GAS7: variants seen among roughly 807,000 people sequenced by gnomAD.
GAS7 encodes growth arrest specific 7, also known as growth arrest-specific protein 7.
GAS7 carries 28 observed loss-of-function variants against 71.1 expected under a neutral mutation model. That is an observed-to-expected ratio of 0.39 (90% CI 0.29 to 0.54). GAS7 has a LOEUF of 0.54. GAS7 is among the 20% of genes least tolerant of loss of function. The probability of loss-of-function intolerance (pLI) is 0.62; values close to 1 mark genes in which losing one functional copy is unlikely to be tolerated. For missense variants in GAS7, 436 were observed against 627.8 expected (o/e 0.69, Z 3.27); for synonymous variants, 258 against 245.8 (o/e 1.05, Z -0.46).
intron 1 of GAS7, among the ~76,000 whole-genome samples, chr17:10,124,069 G>A (rs1195309892): frequency 6.6e-6 from 1 of 152,238 alleles, no homozygotes; most frequent in Non-Finnish European, 1.5e-5. Context: ...CTTATCTCAA[G>A]GGGGAATGTG....
chr17:10,185,083 A>G (rs2074442444), intron 1 of GAS7, among the ~76,000 whole-genome samples: 1 of 152,058 alleles, frequency 6.6e-6, no homozygotes, highest in South Asian at 2.1e-4. Flanking sequence ...GTGCCACCAC[A>G]CCAGGCTCAT....
chr17:10,038,448 T>A (rs904090796), intron 1 of GAS7, among the ~76,000 whole-genome samples: 1 of 152,146 alleles, frequency 6.6e-6, no homozygotes, highest in Non-Finnish European at 1.5e-5. Flanking sequence ...GGTGGGAATG[T>A]AAAATAGTAC....
In GAS7 at chr17:10,017,133, AAAATAAATAAATAAAT is replaced by A. The variant is rs3076181; in HGVS notation, c.304+2628_304+2643del. Among the ~76,000 whole-genome samples the A allele has an allele frequency of 6.0e-4, 80 of 132,496 alleles. 1 individual carries two copies. Among genetic ancestry groups the A allele is most frequent in the East Asian group, 1.5e-3 (7 of 4,616 alleles). 86.9% of individuals were successfully genotyped at this position (132,496 alleles called of 152,430 possible). A position where few individuals can be genotyped will look rare whatever the true frequency, so the allele number is the denominator to read the frequency against. ...GCAACAGAGTGAGACCCTGTCTAAAAAAATAAATAAATAAATAAATAAATAAATAAATAAATAAATA... is the reference window on the plus strand; with the variant it reads ...GCAACAGAGTGAGACCCTGTCTAAAAAAATAAATAAATAAATAAATAAATA... On this transcript the variant is annotated intron_variant, in intron 2 of 13. Transcript: ENST00000432992.
intron 1 of GAS7, among the ~76,000 whole-genome samples, chr17:10,048,297 G>A (rs563246437): frequency 1.2e-3 from 180 of 152,312 alleles, no homozygotes; most frequent in South Asian, 2.9e-3. Context: ...GCGCCTGGGC[G>A]ACAAAGCTAA....
Position 9,934,174 on chromosome 17 carries a change from A to G in GAS7, c.877T>C (p.Ser293Pro), listed in dbSNP as rs1375938507. The stretch of plus-strand genomic sequence containing the variant: ...CTGCAGGGAGGGGTTACCTTGGCAG[A>G]GAACTTGAGGTGAACTTCTGCTTCG... ...ADEAEVHLKFSAKLHSEVEKP... is the reference protein window; with the variant it reads ...ADEAEVHLKFPAKLHSEVEKP... The change falls in exon 9 of 14, where the codon TCT (serine) becomes CCT (proline). Residue 293 changes from serine to proline, a missense_variant. Ser to Pro is a moderately conservative substitution (Grantham distance 74). Transcript: ENST00000432992. The G allele has an allele frequency of 6.2e-7, 1 of 1,609,302 alleles. No homozygotes were observed. The highest frequency in any genetic ancestry group is 1.3e-5 in the African/African-American group (1 of 74,742).
intron 8 of GAS7, among the ~76,000 whole-genome samples, chr17:9,935,996 G>C (rs1012357594): frequency 3.3e-5 from 5 of 152,214 alleles, no homozygotes; most frequent in African/African-American, 1.2e-4. Flanking sequence ...AAGTCACCCA[G>C]CTAGGGCCGA....
chr17:10,057,456 G>A (rs2073157393), intron 1 of GAS7, among the ~76,000 whole-genome samples: 1 of 151,408 alleles, frequency 6.6e-6, no homozygotes, highest in South Asian at 2.1e-4. Flanking sequence ...ACCCCGTCTG[G>A]GAGGTGAGGA....
intron 1 of GAS7, among the ~76,000 whole-genome samples, chr17:10,139,532 A>G (rs1331464433): frequency 6.6e-6 from 1 of 152,224 alleles, no homozygotes; most frequent in Non-Finnish European, 1.5e-5. Context: ...CCACTAATGA[A>G]GAGGCACAGA....
intron 1 of GAS7, among the ~76,000 whole-genome samples, chr17:10,196,191 TATC>T (rs1362742482): frequency 6.6e-6 from 1 of 152,120 alleles, no homozygotes; most frequent in Admixed American, 6.5e-5. Flanking sequence ...GAGCCCGGGC[TATC>T]ATGTTTAAAA....
At chr17:10,196,172 G>C (rs573273421) in intron 1 of GAS7, among the ~76,000 whole-genome samples, 3 of 152,258 alleles carry the variant, frequency 2.0e-5, no homozygotes, top group African/African-American at 7.2e-5. Context: ...CACGCTGTTT[G>C]GCATAGTTGA....
intron 3 of GAS7, among the ~76,000 whole-genome samples, chr17:9,972,875 A>G (rs1396094469): frequency 6.6e-6 from 1 of 152,238 alleles, no homozygotes; most frequent in African/African-American, 2.4e-5. Flanking sequence ...TTAGAAAATA[A>G]TAAAGAAGAA....
intron 1 of GAS7, among the ~76,000 whole-genome samples, chr17:10,058,585 G>A (rs560569449): frequency 5.3e-5 from 8 of 152,284 alleles, no homozygotes; most frequent in Middle Eastern, 3.4e-3. Context: ...CTCCATCTTC[G>A]GACAACTCCT....
intron 9 of GAS7, among the ~76,000 whole-genome samples, chr17:9,929,825 A>C (rs1482894003): frequency 1.3e-5 from 2 of 151,918 alleles, no homozygotes; most frequent in Non-Finnish European, 2.9e-5. Flanking sequence ...TAAAATGGTT[A>C]GGCTGGTATC....
rs139865633 is a variant in GAS7 at position 10,079,711 on chromosome 17, C to T, written c.184-59814G>A. On this transcript the variant is annotated intron_variant, in intron 1 of 13. Coordinates refer to ENST00000432992, the MANE Select transcript of GAS7 (RefSeq NM_201433.2). Reference sequence around the variant, plus strand: ...CCTAAAATGTATAAAAACTAAGCGGCGCCCTGACCACCTTGGCCACATGTT... The same window carrying T: ...CCTAAAATGTATAAAAACTAAGCGGTGCCCTGACCACCTTGGCCACATGTT... Among the ~76,000 whole-genome samples the T allele has an allele frequency of 3.3e-4, 50 of 152,268 alleles. No individual in the cohort carries two copies. In the East Asian group the frequency reaches 3.9e-3, roughly 12 times the overall value.
At chr17:10,102,225 AAAAAAAG>A (rs1263644986) in intron 1 of GAS7, among the ~76,000 whole-genome samples, 2 of 151,262 alleles carry the variant, frequency 1.3e-5, no homozygotes, top group African/African-American at 4.8e-5. Flanking sequence ...AAAAAAAAAA[AAAAAAAG>A]AATCTTCCCC....
intron 3 of GAS7, among the ~76,000 whole-genome samples, chr17:9,976,590 C>T (rs964033384): frequency 3.9e-5 from 6 of 152,216 alleles, no homozygotes; most frequent in South Asian, 2.1e-4. Flanking sequence ...CTGGCCGGCT[C>T]CTCAGGCTCA....
intron 1 of GAS7, among the ~76,000 whole-genome samples, chr17:10,071,185 C>T (rs1026330343): frequency 2.0e-5 from 3 of 151,876 alleles, no homozygotes; most frequent in Admixed American, 1.3e-4. Context: ...GCCAGTGAGG[C>T]GACTTGAGAG....
At chr17:10,194,858 C>CAAAAAAAAAAAAAAA (rs5819269) in intron 1 of GAS7, among the ~76,000 whole-genome samples, 1 of 85,196 alleles carries the variant, frequency 1.2e-5, no homozygotes, top group African/African-American at 3.9e-5. Context: ...GACTCTGTCT[C>CAAAAAAAAAAAAAAA]AAAAAAAAAA....
intron 1 of GAS7, among the ~76,000 whole-genome samples, chr17:10,187,212 C>T (rs1007628757): frequency 5.9e-5 from 9 of 152,136 alleles, no homozygotes; most frequent in Non-Finnish European, 1.3e-4. Context: ...TGACACAGTC[C>T]CTGAGCATTC....
Sources: gnomAD v4.1 joint callset for allele counts (sites outside exome capture counted in the v4.1 genomes callset) on GRCh38, gnomAD v4.1.1 for gene constraint, MANE v1.5 for transcripts, NCBI Gene and HGNC (gene_info 2026-07-23, HGNC 2026-07-21) for gene names.